Variants in RMDN2 observed in about 807,000 individuals in gnomAD.
RMDN2 encodes regulator of microtubule dynamics protein 2.
RMDN2 carries 61 observed loss-of-function variants against 52.8 expected under a neutral mutation model. The observed-to-expected ratio is 1.16, with a 90% CI of 0.94 to 1.43. RMDN2 has a LOEUF of 1.43. RMDN2 is among the 40% of genes most tolerant of loss of function. The pLI is 0.00. For missense variants in RMDN2, 592 were observed against 475.3 expected, an observed-to-expected ratio of 1.25 and a Z score of -2.28; for synonymous variants, 180 against 153.1, an observed-to-expected ratio of 1.18 and a Z score of -1.30.
intron 8 of RMDN2, chr2:37,998,194 T>C (rs1030132043): frequency 1.3e-5 from 2 of 152,178 alleles, no homozygotes; most frequent in African/African-American, 4.8e-5. Context: ...AGTTACTAAA[T>C]GTGTTTTCCT....
At chr2:38,018,634 A>G (rs1287331845), downstream of RMDN2, among the ~76,000 whole-genome samples, 1 of 152,248 alleles carries the variant, frequency 6.6e-6, no homozygotes, top group African/African-American at 2.4e-5. Flanking sequence ...GGATCTCAAC[A>G]GTATAAAAAT....
chr2:38,024,989 G>T (rs937010831), intron 10 of RMDN2, among the ~76,000 whole-genome samples: 3 of 152,120 alleles, frequency 2.0e-5, no homozygotes, highest in South Asian at 2.1e-4. Context: ...TTTTTGTTCT[G>T]TTTGGACTGC....
intron 10 of RMDN2, among the ~76,000 whole-genome samples, chr2:38,008,777 C>T (rs1198049209): frequency 6.6e-6 from 1 of 152,152 alleles, no homozygotes; most frequent in Non-Finnish European, 1.5e-5. Flanking sequence ...CGCTCATTAG[C>T]TGATGCAGTT....
At chr2:37,946,282 T>A (rs2124942299) in intron 2 of RMDN2, among the ~76,000 whole-genome samples, 1 of 152,198 alleles carries the variant, frequency 6.6e-6, no homozygotes, top group South Asian at 2.1e-4. Flanking sequence ...GTTGAAAGAG[T>A]TCCTGCCTTA....
intron 10 of RMDN2, among the ~76,000 whole-genome samples, chr2:38,008,418 AG>A (rs1272583972): frequency 6.6e-6 from 1 of 152,194 alleles, no homozygotes; most frequent in Admixed American, 6.5e-5. Context: ...TATTTAGGAT[AG>A]TTTGCTCTCC....
intron 10 of RMDN2, among the ~76,000 whole-genome samples, chr2:38,013,590 T>TA (rs1215077470): frequency 2.0e-5 from 3 of 152,258 alleles, no homozygotes; most frequent in Non-Finnish European, 4.4e-5. Context: ...CTCTCATTGG[T>TA]AACTGCTCTT....
At position 38,017,335 on chromosome 2, in the gene RMDN2, G is replaced by T. The variant is rs922207206; in HGVS notation, c.*96G>T. 1.4e-6 allele frequency: 2 copies of T among 1,422,526 alleles called. No homozygotes were observed. The highest frequency in any genetic ancestry group is 5.7e-5 in the Admixed American group (2 of 35,326). 88.1% of individuals were successfully genotyped at this position (1,422,526 alleles called of 1,614,324 possible). ...TATTATCCTTCATTTTTGATGTAAG[G>T]GTATTGTGCTTAGATTTGAAGGTAA... On this transcript the variant is annotated 3_prime_UTR_variant, in exon 11 of 11. Transcript: ENST00000354545.
At chr2:38,057,971 GT>G (rs758793375) in intron 10 of RMDN2, among the ~76,000 whole-genome samples, 1 of 152,190 alleles carries the variant, frequency 6.6e-6, no homozygotes, top group Non-Finnish European at 1.5e-5. Context: ...CCAGTCTCAG[GT>G]ATTTCTTCAT....
intron 2 of RMDN2, chr2:37,950,496 G>C (rs751720043): frequency 6.9e-5 from 112 of 1,612,396 alleles, no homozygotes; most frequent in Non-Finnish European, 9.3e-5. Context: ...CTTCTGACCT[G>C]TTCCACCTCT....
At chr2:38,020,607 C>T (rs942320428), downstream of RMDN2, among the ~76,000 whole-genome samples, 1 of 152,188 alleles carries the variant, frequency 6.6e-6, no homozygotes, top group African/African-American at 2.4e-5. Context: ...ACACTGGGAG[C>T]GGCCAGCCGG....
intron 10 of RMDN2, among the ~76,000 whole-genome samples, chr2:38,044,252 C>G (rs1384102681): frequency 6.6e-6 from 1 of 151,780 alleles, no homozygotes; most frequent in Non-Finnish European, 1.5e-5. Context: ...TGATGTAATT[C>G]TTATTGTTGT....
In RMDN2 at chr2:37,952,352, T is replaced by C. The variant is rs949294142; in HGVS notation, c.453-21688T>C. 10 of 654,560 alleles carry C rather than the reference T, an allele frequency of 1.5e-5. 1 individual carries two copies. The highest frequency in any genetic ancestry group is 1.4e-4 in the African/African-American group (8 of 55,254). 40.5% of individuals were successfully genotyped at this position (654,560 alleles called of 1,614,324 possible). On this transcript the variant is annotated intron_variant, in intron 2 of 10. Transcript: ENST00000354545. ...TGAAGAAGATTCCTACATTGCAGTGTAAATTTAATTGCTGTAGTTTTGAAA... is the reference window on the plus strand; with the variant it reads ...TGAAGAAGATTCCTACATTGCAGTGCAAATTTAATTGCTGTAGTTTTGAAA...
At chr2:38,062,083 C>T (rs1682075543) in intron 10 of RMDN2, among the ~76,000 whole-genome samples, 1 of 152,172 alleles carries the variant, frequency 6.6e-6, no homozygotes, top group African/African-American at 2.4e-5. Context: ...TCATTTGCAC[C>T]AATTCCCCTT....
intron 5 of RMDN2, among the ~76,000 whole-genome samples, chr2:37,987,111 TAG>T (rs1674125394): frequency 6.6e-6 from 1 of 152,138 alleles, no homozygotes; most frequent in African/African-American, 2.4e-5. Flanking sequence ...TAAGCAATTA[TAG>T]CAAGGTTGCT....
chr2:37,922,436 A>AAT (rs60074559), upstream of RMDN2, among the ~76,000 whole-genome samples: 1 of 151,792 alleles, frequency 6.6e-6, no homozygotes, highest in African/African-American at 2.4e-5. Flanking sequence ...AAAAAAAAAA[A>AAT]TTGACACTCC....
At chr2:38,067,068 G>T in exon 11 of RMDN2, 1 of 1,393,132 alleles carries the variant, frequency 7.2e-7, no homozygotes, top group South Asian at 1.2e-5. Context: ...GGAGAGTCAT[G>T]ACCTAGGCCC....
intron 10 of RMDN2, among the ~76,000 whole-genome samples, chr2:38,043,388 T>C (rs1049309622): frequency 1.3e-5 from 2 of 152,174 alleles, no homozygotes; most frequent in Non-Finnish European, 2.9e-5. Flanking sequence ...TCTTTATATT[T>C]AGTGTAGGTT....
chr2:37,989,331 A>T (rs1042809711), intron 5 of RMDN2, among the ~76,000 whole-genome samples: 3 of 152,148 alleles, frequency 2.0e-5, no homozygotes, highest in African/African-American at 4.8e-5. Context: ...TATACATGTA[A>T]ATATTGTTAG....
intron 2 of RMDN2, among the ~76,000 whole-genome samples, chr2:37,964,681 T>A (rs970214240): frequency 1.3e-5 from 2 of 152,152 alleles, no homozygotes; most frequent in African/African-American, 4.8e-5. Context: ...GGTCTATATG[T>A]GTTGTTAGGA....
Sources: gnomAD v4.1 joint callset for allele counts (sites outside exome capture counted in the v4.1 genomes callset) on GRCh38, gnomAD v4.1.1 for gene constraint, MANE v1.5 for transcripts, NCBI Gene and HGNC (gene_info 2026-07-23, HGNC 2026-07-21) for gene names.